The following TBL1XR1 variants were observed in gnomAD, a reference collection of about 807,000 sequenced individuals.
TBL1XR1 encodes the protein F-box-like/WD repeat-containing protein TBL1XR1.
In TBL1XR1, 5 loss-of-function variants were observed where a neutral mutation model predicts 66.9. That is an observed-to-expected ratio of 0.07 (90% CI 0.04 to 0.16). The LOEUF (loss-of-function observed/expected upper bound fraction) is 0.16, where lower values mean the gene tolerates loss of function less well. Ranked by LOEUF, TBL1XR1 falls within the 10% of genes least tolerant of loss-of-function variation. The pLI is 1.00. For synonymous variants in TBL1XR1, 210 were observed against 206.0 expected (o/e 1.02, Z -0.17); for missense variants, 238 against 623.2 (o/e 0.38, Z 6.58).
At chr3:177,182,505 A>G (rs1213262050) in intron 1 of TBL1XR1, among the ~76,000 whole-genome samples, 1 of 152,198 alleles carries the variant, frequency 6.6e-6, no homozygotes, top group African/African-American at 2.4e-5. Context: ...AAGCAACAAG[A>G]GTCTACTGTA....
Position 177,050,105 on chromosome 3 carries a change from A to C in TBL1XR1, c.594T>G (p.Leu198=). Reference sequence around the variant, plus strand: ...TAGAGCCACTGGTGCTGTTCTCACTAAGATTCCATATTCTTGCTGTTGAGT... The same window carrying C: ...TAGAGCCACTGGTGCTGTTCTCACTCAGATTCCATATTCTTGCTGTTGAGT... ...SGDSTARIWN[L]SENSTSGSTQ... Residue 198 remains leucine, a synonymous_variant, in exon 7 of 16, where the codon CTT becomes CTG. Transcript: ENST00000457928. 1 of 1,613,144 alleles carries C rather than the reference A, an allele frequency of 6.2e-7. No homozygotes were observed. Among genetic ancestry groups the C allele is most frequent in the Non-Finnish European group, 8.5e-7 (1 of 1,179,600 alleles).
chr3:177,173,290 T>G (rs1393238337), intron 1 of TBL1XR1, among the ~76,000 whole-genome samples: 1 of 152,240 alleles, frequency 6.6e-6, no homozygotes, highest in Non-Finnish European at 1.5e-5. Context: ...TACGTAGAAC[T>G]TAACATCCCT....
chr3:177,043,655 A>G (rs553942290), intron 10 of TBL1XR1, among the ~76,000 whole-genome samples: 1 of 152,276 alleles, frequency 6.6e-6, no homozygotes, highest in Admixed American at 6.5e-5. Context: ...TCAGTCTCAC[A>G]ATCTCTGCCT....
intron 10 of TBL1XR1, among the ~76,000 whole-genome samples, chr3:177,041,624 G>C (rs1432379431): frequency 6.6e-6 from 1 of 152,166 alleles, no homozygotes; most frequent in South Asian, 2.1e-4. Flanking sequence ...CTCTACTTGT[G>C]TGTATCACCA....
intron 2 of TBL1XR1, among the ~76,000 whole-genome samples, chr3:177,084,071 G>A (rs1721800694): frequency 7.0e-6 from 1 of 143,060 alleles, no homozygotes; most frequent in Admixed American, 7.5e-5. Flanking sequence ...CTGGGAGACA[G>A]GGCGAGACTC....
chr3:177,103,260 A>G (rs959041942), intron 1 of TBL1XR1, among the ~76,000 whole-genome samples: 14 of 152,220 alleles, frequency 9.2e-5, no homozygotes, highest in Non-Finnish European at 2.1e-4. Flanking sequence ...AAGAAACTCA[A>G]GAAGTACATG....
chr3:177,138,902 G>T (rs764202186), intron 1 of TBL1XR1, among the ~76,000 whole-genome samples: 1 of 152,142 alleles, frequency 6.6e-6, no homozygotes, highest in Admixed American at 6.5e-5. Context: ...CCTAGAAGGA[G>T]TACTGCTGGT....
chr3:177,085,431 T>C (rs951546313), intron 2 of TBL1XR1, among the ~76,000 whole-genome samples: 1 of 151,948 alleles, frequency 6.6e-6, no homozygotes, highest in Non-Finnish European at 1.5e-5. Flanking sequence ...AAAACAACAT[T>C]CTCCAGGAAT....
chr3:177,121,808 G>A (rs985529447), intron 1 of TBL1XR1, among the ~76,000 whole-genome samples: 3 of 151,806 alleles, frequency 2.0e-5, no homozygotes, highest in South Asian at 2.1e-4. Context: ...TGTCTGACAC[G>A]TTTAGATACT....
intron 1 of TBL1XR1, among the ~76,000 whole-genome samples, chr3:177,174,703 C>T (rs1577387385): frequency 6.6e-6 from 1 of 152,164 alleles, no homozygotes; most frequent in African/African-American, 2.4e-5. Flanking sequence ...GTTTGCAATA[C>T]TCCAAGAATT....
At chr3:177,094,543 T>C (rs969284556) in intron 2 of TBL1XR1, among the ~76,000 whole-genome samples, 2 of 152,130 alleles carry the variant, frequency 1.3e-5, no homozygotes, top group Non-Finnish European at 2.9e-5. Flanking sequence ...AGCAGCACAA[T>C]TTGCAACTGC....
At chr3:177,151,875 T>C (rs995405126) in intron 1 of TBL1XR1, among the ~76,000 whole-genome samples, 6 of 151,996 alleles carry the variant, frequency 3.9e-5, no homozygotes, top group African/African-American at 1.4e-4. Context: ...AATACAAAAA[T>C]CAGCCGGGCG....
At chr3:177,137,345 G>A (rs950628750) in intron 1 of TBL1XR1, among the ~76,000 whole-genome samples, 4 of 151,762 alleles carry the variant, frequency 2.6e-5, no homozygotes, top group South Asian at 2.1e-4. Flanking sequence ...TACAAAAATC[G>A]TCAGGGCGTG....
chr3:177,100,146 C>A (rs180910694), intron 1 of TBL1XR1, among the ~76,000 whole-genome samples: 1 of 151,900 alleles, frequency 6.6e-6, no homozygotes, highest in African/African-American at 2.4e-5. Context: ...GCCTGGGGCA[C>A]GAGGGTCACT....
chr3:177,130,176 TA>T (rs1029164219), intron 1 of TBL1XR1, among the ~76,000 whole-genome samples: 3 of 145,026 alleles, frequency 2.1e-5, no homozygotes, highest in African/African-American at 5.1e-5. Flanking sequence ...AGAAAAAGAA[TA>T]AATAAATACA....
chr3:177,146,438 C>A (rs773579388), intron 1 of TBL1XR1, among the ~76,000 whole-genome samples: 22 of 151,528 alleles, frequency 1.5e-4, no homozygotes, highest in Non-Finnish European at 3.1e-4. Context: ...AGGCATCCGT[C>A]ACCATGCCCA....
intron 1 of TBL1XR1, among the ~76,000 whole-genome samples, chr3:177,188,133 T>C (rs986933510): frequency 3.3e-5 from 5 of 151,932 alleles, no homozygotes; most frequent in African/African-American, 1.2e-4. Flanking sequence ...GGTTTTACCA[T>C]GTTGGTCAGG....
chr3:177,069,745 A>AGAAAGAAAGGAAAG (rs1168373906), intron 2 of TBL1XR1, among the ~76,000 whole-genome samples: 1 of 146,728 alleles, frequency 6.8e-6, no homozygotes, highest in Non-Finnish European at 1.5e-5. Context: ...ACGAAAGAAA[A>AGAAAGAAAGGAAAG]GAAAGAAAGG....
intron 5 of TBL1XR1, among the ~76,000 whole-genome samples, 165 bp from the exon 6 acceptor site, chr3:177,050,775 A>C (rs754865119): frequency 6.6e-6 from 1 of 151,494 alleles, no homozygotes; most frequent in South Asian, 2.1e-4. Context: ...AGTCACACAG[A>C]AAATAAATTC....
Sources: gnomAD v4.1 joint callset for allele counts (sites outside exome capture counted in the v4.1 genomes callset) on GRCh38, gnomAD v4.1.1 for gene constraint, MANE v1.5 for transcripts, NCBI Gene and HGNC (gene_info 2026-07-23, HGNC 2026-07-21) for gene names.